NCOA1: variants seen among roughly 807,000 people sequenced by gnomAD.
The protein encoded by NCOA1 is nuclear receptor coactivator 1, also known as Hin-2 protein.
NCOA1 carries 35 observed loss-of-function variants against 150.9 expected under a neutral mutation model. The observed-to-expected ratio is 0.23, with a 90% CI of 0.18 to 0.31. NCOA1 has a LOEUF of 0.31. Ranked by LOEUF, NCOA1 falls within the 10% of genes least tolerant of loss-of-function variation. The pLI, the probability that NCOA1 is intolerant of heterozygous loss-of-function variation, is 1.00. For missense variants in NCOA1, 1,491 were observed against 1,749.3 expected, an observed-to-expected ratio of 0.85 and a Z score of 2.63; for synonymous variants, 590 against 630.0, an observed-to-expected ratio of 0.94 and a Z score of 0.95.
intron 6 of NCOA1, among the ~76,000 whole-genome samples, chr2:24,666,155 G>C (rs1245206494): frequency 6.6e-6 from 1 of 151,546 alleles, no homozygotes; most frequent in African/African-American, 2.4e-5. Flanking sequence ...GGGACTACAG[G>C]CGCCTGCCAC....
chr2:24,624,815 C>T (rs1046327935), intron 3 of NCOA1, among the ~76,000 whole-genome samples: 4 of 152,110 alleles, frequency 2.6e-5, no homozygotes, highest in African/African-American at 9.7e-5. Context: ...TGAGCTGACT[C>T]TTGGGGTGGA....
intron 17 of NCOA1, among the ~76,000 whole-genome samples, chr2:24,739,212 A>T (rs576467603): frequency 6.6e-6 from 1 of 152,114 alleles, no homozygotes; most frequent in Non-Finnish European, 1.5e-5. Context: ...GTGTGTTTGT[A>T]TCCTACTTTT....
At chr2:24,494,908 G>A (rs772707694) in intron 1 of NCOA1, among the ~76,000 whole-genome samples, 35 of 152,084 alleles carry the variant, frequency 2.3e-4, no homozygotes, top group Admixed American at 6.5e-5. Flanking sequence ...TGGCAACTAA[G>A]GATAGGCCTC....
chr2:24,540,456 C>G, intron 1 of NCOA1, among the ~76,000 whole-genome samples: 1 of 148,140 alleles, frequency 6.8e-6, no homozygotes, highest in South Asian at 2.1e-4. Flanking sequence ...GCTGGGAGAA[C>G]TGGCTTTTTT....
chr2:24,510,551 C>T (rs943595520), intron 1 of NCOA1, among the ~76,000 whole-genome samples: 20 of 152,102 alleles, frequency 1.3e-4, no homozygotes, highest in Admixed American at 4.6e-4. Context: ...CTGTGTTGCC[C>T]AGGCTGGTTT....
At chr2:24,604,622 A>G (rs1000347950) in intron 3 of NCOA1, among the ~76,000 whole-genome samples, 2 of 152,202 alleles carry the variant, frequency 1.3e-5, no homozygotes, top group Non-Finnish European at 2.9e-5. Flanking sequence ...CGCTGTCTTC[A>G]TAGAATTGAA....
intron 14 of NCOA1, among the ~76,000 whole-genome samples, chr2:24,718,063 A>T (rs1350225581): frequency 6.6e-6 from 1 of 151,564 alleles, no homozygotes; most frequent in Admixed American, 6.6e-5. Context: ...TGCCTGGATA[A>T]TTTTTTTTGT....
intron 17 of NCOA1, among the ~76,000 whole-genome samples, chr2:24,735,648 A>G (rs1276976836): frequency 1.3e-5 from 2 of 152,168 alleles, no homozygotes; most frequent in Non-Finnish European, 2.9e-5. Context: ...TCAATTACAC[A>G]GTAATGAATA....
intron 11 of NCOA1, among the ~76,000 whole-genome samples, chr2:24,700,561 C>T (rs1218730546): frequency 1.3e-5 from 2 of 152,160 alleles, no homozygotes; most frequent in East Asian, 3.8e-4. Context: ...AAACACATTT[C>T]ACCTTGCATG....
chr2:24,615,929 A>G (rs1363615998), intron 3 of NCOA1, among the ~76,000 whole-genome samples: 2 of 152,174 alleles, frequency 1.3e-5, no homozygotes, highest in African/African-American at 4.8e-5. Flanking sequence ...CATTTATGAA[A>G]AGATCAGGGA....
Position 24,769,842 on chromosome 2 carries a change from C to A in NCOA1, c.*1451C>A. On this transcript the variant is annotated 3_prime_UTR_variant, in exon 23 of 23. Transcript: ENST00000348332. Reference sequence around the variant, plus strand: ...GGAAGAAGCAAAGGTAGACCCCCATCACTCACCTTTGTCTGCATCCCTGGG... The same window carrying A: ...GGAAGAAGCAAAGGTAGACCCCCATAACTCACCTTTGTCTGCATCCCTGGG... The A allele has an allele frequency of 4.5e-6, 1 of 223,870 alleles. No individual in the cohort carries two copies. The highest frequency in any genetic ancestry group is 1.8e-4 in the South Asian group (1 of 5,436). The allele number at this position is 223,870 out of a possible 1,614,324, so 13.9% of individuals were successfully genotyped here.
chr2:24,682,586 C>T (rs1441999034), intron 7 of NCOA1, among the ~76,000 whole-genome samples: 1 of 152,142 alleles, frequency 6.6e-6, no homozygotes, highest in Non-Finnish European at 1.5e-5. Context: ...ACTGCCTGTT[C>T]GTTTTCTTTT....
At chr2:24,550,255 T>C (rs1665771627) in intron 1 of NCOA1, among the ~76,000 whole-genome samples, 1 of 152,236 alleles carries the variant, frequency 6.6e-6, no homozygotes, top group African/African-American at 2.4e-5. Flanking sequence ...TTTTTAGGTA[T>C]CTTTTCAGCA....
rs772970404 is a variant in NCOA1, at chr2:24,768,516, CAAAA to C, written c.*147_*150del. On this transcript the variant is annotated 3_prime_UTR_variant, in exon 23 of 23. Transcript: ENST00000348332. ...ATTCTTCAGGTCGTAGCATTTGGAG[CAAAA>C]AAAAAAAAAAAAAAAAAAAAAGGAG... 8.6e-3 allele frequency: 473 copies of C among 54,714 alleles called. No homozygotes were observed. The highest frequency in any genetic ancestry group is 0.026 in the East Asian group (92 of 3,504). The allele number at this position is 54,714 out of a possible 1,614,324, so 3.4% of individuals were successfully genotyped here.
chr2:24,515,700 G>A (rs1664133801), intron 1 of NCOA1, among the ~76,000 whole-genome samples: 1 of 152,152 alleles, frequency 6.6e-6, no homozygotes, highest in African/African-American at 2.4e-5. Context: ...GGAACATTAT[G>A]GAAACTAGGG....
Position 24,589,801 on chromosome 2 carries a change from T to A in NCOA1, c.-175+5241T>A, listed in dbSNP as rs1043366484. Reference sequence around the variant, plus strand: ...CAGATTTCCTTACTCCATCAGACATTCTTTTCTTCTGCCCCATCTGCCTGA... The same window carrying A: ...CAGATTTCCTTACTCCATCAGACATACTTTTCTTCTGCCCCATCTGCCTGA... On this transcript the variant is annotated intron_variant, in intron 3 of 22. Transcript: ENST00000348332. Among the ~76,000 whole-genome samples, 3 of 152,188 alleles carry A rather than the reference T, an allele frequency of 2.0e-5. No individual in the cohort carries two copies. In the South Asian group the frequency reaches 6.2e-4, roughly 32 times the overall value.
chr2:24,491,674 C>T (rs1437443479), intron 1 of NCOA1, among the ~76,000 whole-genome samples, 72 bp downstream of exon 1: 1 of 150,828 alleles, frequency 6.6e-6, no homozygotes, highest in South Asian at 2.1e-4. Flanking sequence ...CCGCGGAGGC[C>T]CTAGGGGGCG....
intron 1 of NCOA1, among the ~76,000 whole-genome samples, chr2:24,552,873 A>G (rs2148229052): frequency 6.6e-6 from 1 of 152,352 alleles, no homozygotes; most frequent in African/African-American, 2.4e-5. Context: ...GAAATTTATT[A>G]GATAAATTCA....
intron 1 of NCOA1, among the ~76,000 whole-genome samples, chr2:24,541,348 G>C (rs1169972764): frequency 6.6e-6 from 1 of 152,182 alleles, no homozygotes; most frequent in African/African-American, 2.4e-5. Context: ...TAATGGAGTG[G>C]TCAGCAGTGC....
Sources: gnomAD v4.1 joint callset for allele counts (sites outside exome capture counted in the v4.1 genomes callset) on GRCh38, gnomAD v4.1.1 for gene constraint, MANE v1.5 for transcripts, NCBI Gene and HGNC (gene_info 2026-07-23, HGNC 2026-07-21) for gene names.